The following CACNA1C variants were observed in gnomAD, a reference collection of about 807,000 sequenced individuals.
The protein encoded by CACNA1C is voltage-dependent L-type calcium channel subunit alpha-1C.
CACNA1C carries 30 observed loss-of-function variants against 229.0 expected under a neutral mutation model. The ratio of observed to expected loss-of-function variants is 0.13; its 90% CI spans 0.10 to 0.18. The LOEUF (loss-of-function observed/expected upper bound fraction) is 0.18, where lower values mean the gene tolerates loss of function less well. Among genes scored for constraint, CACNA1C ranks in the 10% least tolerant of loss-of-function variants. The pLI is 1.00. For synonymous variants in CACNA1C, 1,114 were observed against 1,132.5 expected (o/e 0.98, Z 0.33); for missense variants, 1,658 against 2,845.0 (o/e 0.58, Z 9.49).
chr12:2,326,154 G>A (rs2096281167), intron 3 of CACNA1C, among the ~76,000 whole-genome samples: 1 of 152,082 alleles, frequency 6.6e-6, no homozygotes. Context: ...GGCAGGGAGA[G>A]AAAAAGGAGG....
chr12:2,628,965 G>A (rs1053135921), intron 29 of CACNA1C, among the ~76,000 whole-genome samples: 5 of 152,158 alleles, frequency 3.3e-5, no homozygotes, highest in Admixed American at 6.5e-5. Flanking sequence ...TGAGGAGGCC[G>A]GATAGAGTCG....
At chr12:2,105,292 T>C (rs1354520757) in intron 1 of CACNA1C, among the ~76,000 whole-genome samples, 2 of 152,192 alleles carry the variant, frequency 1.3e-5, no homozygotes, top group African/African-American at 2.4e-5. Context: ...ACAGAAAAGA[T>C]ACAGTTGTAT....
At chr12:2,471,220 C>T (rs1266214227) in intron 5 of CACNA1C, among the ~76,000 whole-genome samples, 2 of 152,106 alleles carry the variant, frequency 1.3e-5, no homozygotes, top group African/African-American at 2.4e-5. Context: ...AGTGTAATAA[C>T]CTTAAAATCA....
At chr12:2,584,354 A>C in intron 15 of CACNA1C, 149 bp from the exon 16 acceptor site, 1 of 599,146 alleles carries the variant, frequency 1.7e-6, no homozygotes, top group Middle Eastern at 4.4e-4. Flanking sequence ...GGGGAGGAAC[A>C]CTGTTGGGGT....
intron 34 of CACNA1C, among the ~76,000 whole-genome samples, chr12:2,658,751 T>C (rs1001005728): frequency 2.6e-5 from 4 of 152,010 alleles, no homozygotes; most frequent in East Asian, 1.9e-4. Flanking sequence ...GACCTTCCGA[T>C]AGGACAAGAT....
At chr12:2,128,947 A>T (rs1003410381) in intron 3 of CACNA1C, among the ~76,000 whole-genome samples, 3 of 152,238 alleles carry the variant, frequency 2.0e-5, no homozygotes, top group African/African-American at 7.2e-5. Flanking sequence ...AGTCATGGCC[A>T]TGCAGAAGTG....
Position 2,680,409 on chromosome 12 carries a change from C to G in CACNA1C, c.5444+613C>G, listed in dbSNP as rs1434188425. 2 of 1,561,052 alleles carry G rather than the reference C, an allele frequency of 1.3e-6. No individual in the cohort carries two copies. The highest frequency in any genetic ancestry group is 2.7e-5 in the African/African-American group (2 of 73,660). On this transcript the variant is annotated intron_variant, in intron 42 of 46. Coordinates refer to ENST00000399655, the MANE Select transcript of CACNA1C (RefSeq NM_000719.7). ...GGATGGTGGGACCTTCCCTCCCGCCCTGGGCCCCCGCAGGGCTCCTCCCTG... is the reference window on the plus strand; with the variant it reads ...GGATGGTGGGACCTTCCCTCCCGCCGTGGGCCCCCGCAGGGCTCCTCCCTG...
intron 1 of CACNA1C, among the ~76,000 whole-genome samples, chr12:2,106,717 C>T (rs1449479063): frequency 2.1e-4 from 25 of 116,786 alleles, no homozygotes; most frequent in African/African-American, 7.1e-4. Flanking sequence ...GGGTTTCCAC[C>T]TCAGCTGGGC....
At chr12:2,358,804 C>G (rs1204696774) in intron 3 of CACNA1C, among the ~76,000 whole-genome samples, 1 of 152,150 alleles carries the variant, frequency 6.6e-6, no homozygotes, top group African/African-American at 2.4e-5. Flanking sequence ...TCCAGCAAAG[C>G]CTACAGTCAC....
At chr12:2,485,765 T>C (rs2099695099) in intron 5 of CACNA1C, among the ~76,000 whole-genome samples, 1 of 152,200 alleles carries the variant, frequency 6.6e-6, no homozygotes, top group Admixed American at 6.5e-5. Context: ...TGTCCTGAGA[T>C]GCTGCTCTAG....
chr12:2,395,773 G>T (rs1231895668), intron 3 of CACNA1C, among the ~76,000 whole-genome samples: 1 of 152,168 alleles, frequency 6.6e-6, no homozygotes, highest in African/African-American at 2.4e-5. Context: ...CTGAGAAAAG[G>T]TAGCCGAACC....
intron 29 of CACNA1C, among the ~76,000 whole-genome samples, chr12:2,631,641 C>T (rs1193156685): frequency 6.6e-6 from 1 of 152,234 alleles, no homozygotes; most frequent in African/African-American, 2.4e-5. Flanking sequence ...AGAAGTCTCT[C>T]TGCCTCATAG....
At chr12:2,340,075 A>G (rs934734914) in intron 3 of CACNA1C, among the ~76,000 whole-genome samples, 1 of 152,216 alleles carries the variant, frequency 6.6e-6, no homozygotes. Context: ...AATCCTGTGA[A>G]GGTGTCCTGG....
chr12:2,335,027 C>G (rs776604114), intron 3 of CACNA1C, among the ~76,000 whole-genome samples: 2 of 152,324 alleles, frequency 1.3e-5, no homozygotes, highest in African/African-American at 4.8e-5. Flanking sequence ...GGGACTCCCA[C>G]GCCTGCTTCC....
In CACNA1C at chr12:2,095,578, C is replaced by T. The variant is rs542513835; in HGVS notation, c.50-19646C>T. ...ATCCGGGCAGCACTGTAAGTGCCCT[C>T]GGCCCGAGTCAGGCCATCCAGTGTT... is the stretch of plus-strand genomic sequence containing the variant. On this transcript the variant is annotated intron_variant, in intron 1 of 46. Coordinates refer to ENST00000399655, the MANE Select transcript of CACNA1C (RefSeq NM_000719.7). Among the ~76,000 whole-genome samples the T allele has an allele frequency of 3.9e-5, 6 of 152,324 alleles. No individual in the cohort carries two copies. The South Asian group carries it at 1.0e-3, about 26-fold the overall frequency.
intron 1 of CACNA1C, among the ~76,000 whole-genome samples, chr12:2,027,184 T>G (rs558767842): frequency 6.7e-4 from 102 of 152,338 alleles, no homozygotes; most frequent in Middle Eastern, 6.8e-3. Flanking sequence ...AACAAGTGCT[T>G]TGCCCTTTGG....
At chr12:2,131,752 T>C (rs898164407) in intron 3 of CACNA1C, among the ~76,000 whole-genome samples, 9 of 149,664 alleles carry the variant, frequency 6.0e-5, no homozygotes, top group Non-Finnish European at 1.3e-4. Context: ...GCCTCCAGCT[T>C]TGTTCTTTTG....
chr12:2,130,184 G>A (rs2091813144), intron 3 of CACNA1C, among the ~76,000 whole-genome samples: 1 of 116,212 alleles, frequency 8.6e-6, no homozygotes, highest in Non-Finnish European at 1.7e-5. Flanking sequence ...ACTACCCCAT[G>A]AGACCTTTCT....
rs180799434 is a variant in CACNA1C, at chr12:2,062,073, T to C, written c.49+8462T>C. 9.7e-4 allele frequency among the ~76,000 whole-genome samples: 148 copies of C among 152,326 alleles called. 2 individuals carry two copies. The highest frequency in any genetic ancestry group is 1.9e-3 in the Admixed American group (29 of 15,302). ...AGTATGCTGGGAAACTTTCGCACTT[T>C]CGCATTTGTTTGCACCTTGTTCTAC... On this transcript the variant is annotated intron_variant, in intron 1 of 46. Transcript: ENST00000399655.
Sources: allele counts gnomAD v4.1 joint callset (sites outside exome capture counted in the v4.1 genomes callset), GRCh38; gene constraint gnomAD v4.1.1; transcripts MANE v1.5; gene names NCBI Gene and HGNC (gene_info 2026-07-23, HGNC 2026-07-21).